The following DMBT1 variants were observed in gnomAD, a reference collection of about 807,000 sequenced individuals.
DMBT1 encodes deleted in malignant brain tumors 1, also known as scavenger receptor cysteine-rich domain-containing protein DMBT1.
A neutral mutation model predicts 252.9 loss-of-function variants in DMBT1; 198 were observed. That is an observed-to-expected ratio of 0.78 (90% CI 0.70 to 0.88). DMBT1 has a LOEUF of 0.88. DMBT1 is among the 40% of genes least tolerant of loss of function. The pLI, the probability that DMBT1 is intolerant of heterozygous loss-of-function variation, is 0.00. For missense variants in DMBT1, 2,432 were observed against 2,404.7 expected, an observed-to-expected ratio of 1.01 and a Z score of -0.24; for synonymous variants, 990 against 942.7, an observed-to-expected ratio of 1.05 and a Z score of -0.92.
chr10:122,598,158 G>A, intron 25 of DMBT1, 146 bp downstream of exon 25: 5 of 1,245,486 alleles, frequency 4.0e-6, no homozygotes, highest in Non-Finnish European at 5.7e-6. Context: ...AGCGTCTCTG[G>A]GGACCCAGCT....
intron 42 of DMBT1, 62 bp downstream of exon 42, chr10:122,619,399 C>T: frequency 1.2e-6 from 2 of 1,602,986 alleles, no homozygotes; most frequent in Middle Eastern, 1.7e-4. Flanking sequence ...ACCTCTTCCC[C>T]ACTCCACAGA....
intron 54 of DMBT1, among the ~76,000 whole-genome samples, chr10:122,639,062 G>C (rs1209448368): frequency 6.6e-6 from 1 of 152,224 alleles, no homozygotes; most frequent in African/African-American, 2.4e-5. Flanking sequence ...TCCATGGCTG[G>C]AGCTTCCCAC....
rs760236140 is a variant in DMBT1 at position 122,633,180 on chromosome 10, T to A, written c.6398-11T>A. ...GGGGGTCACCGACATTCCCACTTTT[T>A]GTCCTGACAGCAGATTATTCCTGCG... On this transcript the variant is annotated splice_polypyrimidine_tract_variant and intron_variant, in intron 51 of 55. Transcript: ENST00000338354. The A allele has an allele frequency of 1.9e-6, 3 of 1,613,492 alleles. No homozygotes were observed. The highest frequency in any genetic ancestry group is 2.5e-6 in the Non-Finnish European group (3 of 1,179,654).
chr10:122,579,874 A>AGTTG lies in DMBT1; in HGVS notation c.978_979insTGGT (p.Glu327TrpfsTer2). On this transcript the variant is annotated frameshift_variant, in exon 10 of 56. Coordinates refer to ENST00000338354, the MANE Select transcript of DMBT1 (RefSeq NM_001377530.1). LOFTEE classifies it high-confidence loss of function. ...CTGGCTCACCCACAACTGTGGCCAT[A>AGTTG]GTGAAGACGCTGGTGTCATCTGCTC... is the stretch of plus-strand genomic sequence containing the variant. 1 of 1,613,848 alleles carries AGTTG rather than the reference A, an allele frequency of 6.2e-7. No individual in the cohort carries two copies. Among genetic ancestry groups the AGTTG allele is most frequent in the Non-Finnish European group, 8.5e-7 (1 of 1,179,756 alleles).
At chr10:122,598,705 T>G (rs949799273) in intron 25 of DMBT1, 69 bp from the exon 26 acceptor site, 3 of 1,609,722 alleles carry the variant, frequency 1.9e-6, no homozygotes. Flanking sequence ...ATGCCTTGAG[T>G]GTGGAACATT....
At position 122,589,175 on chromosome 10, in the gene DMBT1, C is replaced by A; in HGVS notation, c.2015C>A (p.Ser672Ter). The A allele has an allele frequency of 6.3e-7, 1 of 1,588,460 alleles. No individual in the cohort carries two copies. The highest frequency in any genetic ancestry group is 8.6e-7 in the Non-Finnish European group (1 of 1,165,752). Residue 672 changes from serine to a stop codon, truncating the protein, a stop_gained, in exon 17 of 56, where the codon TCA becomes TAA. Transcript: ENST00000338354. LOFTEE classifies it high-confidence loss of function. Reference sequence around the variant, plus strand: ...ATTGTCCTGGATGATGTGCGCTGCTCAGGACATGAGTCCTACCTGTGGAGC... The same window carrying A: ...ATTGTCCTGGATGATGTGCGCTGCTAAGGACATGAGTCCTACCTGTGGAGC... ...GPIVLDDVRCSGHESYLWSCP... is the reference protein window; with the variant it reads ...GPIVLDDVRC
chr10:122,630,064 C>T, intron 47 of DMBT1, 71 bp downstream of exon 47: 1 of 1,585,612 alleles, frequency 6.3e-7, no homozygotes, highest in Non-Finnish European at 8.6e-7. Context: ...AGACTGTGTC[C>T]TGGGCTGGGA....
intron 16 of DMBT1, among the ~76,000 whole-genome samples, chr10:122,587,531 AT>A (rs113740261): frequency 9.7e-5 from 14 of 145,054 alleles, no homozygotes; most frequent in Admixed American, 1.4e-4. Context: ...CAGGCTGGAT[AT>A]TTTTTTTTTG....
Position 122,598,019 on chromosome 10 carries a change from A to G in DMBT1, c.2956+7A>G, listed in dbSNP as rs757299517. On this transcript the variant is annotated splice_region_variant and intron_variant, in intron 25 of 55. Coordinates refer to ENST00000338354, the MANE Select transcript of DMBT1 (RefSeq NM_001377530.1). ...TTGCCTGCATCGACAGTAGGTAAAT[A>G]TTCCTCTCGCCCCTCCCTAGGGCTC... The G allele has an allele frequency of 6.2e-7, 1 of 1,613,872 alleles. No individual in the cohort carries two copies. The highest frequency in any genetic ancestry group is 1.1e-5 in the South Asian group (1 of 91,072).
At chr10:122,584,605 G>T (rs1004649273) in intron 14 of DMBT1, among the ~76,000 whole-genome samples, 2 of 148,944 alleles carry the variant, frequency 1.3e-5, no homozygotes, top group African/African-American at 4.9e-5. Context: ...ACCCTTAGAG[G>T]TTTAGGAAGT....
At position 122,629,906 on chromosome 10, in the gene DMBT1, C is replaced by T. The variant is rs891689636; in HGVS notation, c.5735C>T (p.Pro1912Leu). 5 of 1,614,018 alleles carry T rather than the reference C, an allele frequency of 3.1e-6. No individual in the cohort carries two copies. The highest frequency in any genetic ancestry group is 4.2e-6 in the Non-Finnish European group (5 of 1,179,894). The change falls in exon 47 of 56, where the codon CCT becomes CTT. Residue 1912 changes from proline to leucine, a missense_variant. Pro to Leu is a moderately conservative substitution (Grantham distance 98, BLOSUM62 -3). Transcript: ENST00000338354. Reference sequence around the variant, plus strand: ...GGGACATTCTCCAGCCCATCCTACCCTGCATACTACCCCAACAATGCTAAG... The same window carrying T: ...GGGACATTCTCCAGCCCATCCTACCTTGCATACTACCCCAACAATGCTAAG... ...ASGTFSSPSYPAYYPNNAKCV... is the reference protein window; with the variant it reads ...ASGTFSSPSYLAYYPNNAKCV...
intron 14 of DMBT1, among the ~76,000 whole-genome samples, chr10:122,584,653 A>G (rs1473837863): frequency 1.3e-5 from 2 of 149,110 alleles, no homozygotes; most frequent in African/African-American, 2.4e-5. Context: ...TTTTCTATTC[A>G]GAGCTGATAT....
intron 4 of DMBT1, among the ~76,000 whole-genome samples, chr10:122,571,417 A>G (rs2097662617): frequency 6.6e-6 from 1 of 152,126 alleles, no homozygotes; most frequent in Non-Finnish European, 1.5e-5. Flanking sequence ...CCTTTTTTAA[A>G]GGCTTTGGAG....
At chr10:122,640,630 T>C (rs777977705) in intron 55 of DMBT1, among the ~76,000 whole-genome samples, 181 bp downstream of exon 55, 1 of 152,220 alleles carries the variant, frequency 6.6e-6, no homozygotes, top group Non-Finnish European at 1.5e-5. Context: ...GTGCTTTTAC[T>C]CTGTGTTCTG....
Position 122,618,303 on chromosome 10 carries a change from C to G in DMBT1, c.5178C>G (p.Asn1726Lys), listed in dbSNP as rs1243480687. 1 of 1,613,868 alleles carries G rather than the reference C, an allele frequency of 6.2e-7. No individual in the cohort carries two copies. Among genetic ancestry groups the G allele is most frequent in the Non-Finnish European group, 8.5e-7 (1 of 1,179,792 alleles). ...CCCACAATGGCTGGCTCTCCCACAA[C>G]TGTGGCCATCATGAAGATGCTGGTG... ...SCPHNGWLSHNCGHHEDAGVI... is the reference protein window; with the variant it reads ...SCPHNGWLSHKCGHHEDAGVI... The change falls in exon 41 of 56, where the codon AAC becomes AAG. Residue 1726 changes from asparagine (N) to lysine (K), a missense_variant. Asn to Lys is a moderately conservative substitution (Grantham distance 94, BLOSUM62 0). This residue lies in a region of DMBT1 where 1,162 missense variants were observed against 1,169.0 expected (regional missense o/e 0.99). Coordinates refer to ENST00000338354, the MANE Select transcript of DMBT1 (RefSeq NM_001377530.1).
Position 122,589,272 on chromosome 10 carries a change from G to T in DMBT1, c.2107+5G>T. The stretch of plus-strand genomic sequence containing the variant: ...ATGCTGGTGTCATCTGCTCAGGTGG[G>T]CCTCCAGCAATTTTGGTTTCCTCTC... On this transcript the variant is annotated splice_donor_5th_base_variant and intron_variant, in intron 17 of 55. Coordinates refer to ENST00000338354, the MANE Select transcript of DMBT1 (RefSeq NM_001377530.1). 1 of 1,588,316 alleles carries T rather than the reference G, an allele frequency of 6.3e-7. No homozygotes were observed. Among genetic ancestry groups the T allele is most frequent in the Non-Finnish European group, 8.6e-7 (1 of 1,165,664 alleles).
intron 45 of DMBT1, 49 bp downstream of exon 45, chr10:122,625,352 C>T (rs1331984011): frequency 3.2e-6 from 5 of 1,562,278 alleles, no homozygotes; most frequent in Non-Finnish European, 4.4e-6. Flanking sequence ...GGGAATTCCA[C>T]CCTCTCTTGT....
chr10:122,585,328 C>T lies in DMBT1; in HGVS notation c.1459+19C>T, dbSNP rs759862343. On this transcript the variant is annotated intron_variant, in intron 15 of 55. Coordinates refer to ENST00000338354, the MANE Select transcript of DMBT1 (RefSeq NM_001377530.1). ...ACAGTAGGTAAATAATCCTCTCGCC[C>T]CTCCCTAGGGCTCACTCTCTACCTC... 5 of 1,583,928 alleles carry T rather than the reference C, an allele frequency of 3.2e-6. 1 individual carries two copies. Among genetic ancestry groups the T allele is most frequent in the East Asian group, 4.7e-5 (2 of 42,618 alleles).
At chr10:122,620,016 C>T (rs755678413) in intron 42 of DMBT1, among the ~76,000 whole-genome samples, 1 of 152,150 alleles carries the variant, frequency 6.6e-6, no homozygotes, top group Non-Finnish European at 1.5e-5. Flanking sequence ...GCTAACCCTT[C>T]GTAGCTGAGA....
Sources: allele counts gnomAD v4.1 joint callset (sites outside exome capture counted in the v4.1 genomes callset), GRCh38; gene constraint gnomAD v4.1.1; regional missense constraint gnomAD v4.1.1; transcripts MANE v1.5; gene names NCBI Gene and HGNC (gene_info 2026-07-23, HGNC 2026-07-21).